The following SCHIP1 variants were observed in gnomAD, a reference collection of about 807,000 sequenced individuals.
SCHIP1 encodes the protein schwannomin-interacting protein 1.
In SCHIP1, 8 loss-of-function variants were observed where a neutral mutation model predicts 29.7. The observed-to-expected ratio is 0.27, with a 90% CI of 0.16 to 0.49. The LOEUF is 0.49. Ranked by LOEUF, SCHIP1 falls within the 20% of genes least tolerant of loss-of-function variation. The pLI, the probability that SCHIP1 is intolerant of heterozygous loss-of-function variation, is 0.99. For missense variants in SCHIP1, 193 were observed against 294.6 expected (o/e 0.66, Z 2.52); for synonymous variants, 76 against 94.9 (o/e 0.80, Z 1.16).
At chr3:159,643,238 C>G in the SCHIP1 span, among the ~76,000 whole-genome samples, 1 of 152,054 alleles carries the variant, frequency 6.6e-6, no homozygotes, top group Non-Finnish European at 1.5e-5. Context: ...TGTCCAAGTA[C>G]AATGCTGGCT....
chr3:159,772,789 G>A, the SCHIP1 span, among the ~76,000 whole-genome samples: 13 of 152,158 alleles, frequency 8.5e-5, no homozygotes. Flanking sequence ...CGCCTAGGCT[G>A]GAGTACAGTG....
chr3:159,755,530 G>A, the SCHIP1 span, among the ~76,000 whole-genome samples: 11 of 152,194 alleles, frequency 7.2e-5, no homozygotes, highest in Non-Finnish European at 1.2e-4. Flanking sequence ...TGAGACTTGG[G>A]TGGGGACACA....
chr3:159,450,687 C>G, the SCHIP1 span, among the ~76,000 whole-genome samples: 30 of 152,238 alleles, frequency 2.0e-4, no homozygotes, highest in African/African-American at 6.3e-4. Flanking sequence ...GTGCCTTTCT[C>G]CTCTTCAATT....
intron 1 of SCHIP1, among the ~76,000 whole-genome samples, chr3:159,842,165 T>C (rs945259017): frequency 4.6e-5 from 7 of 152,228 alleles, no homozygotes; most frequent in African/African-American, 1.7e-4. Context: ...TTTTTAAGGA[T>C]GATATTGCAG....
chr3:159,556,464 C>T, the SCHIP1 span, among the ~76,000 whole-genome samples: 1 of 152,058 alleles, frequency 6.6e-6, no homozygotes, highest in Non-Finnish European at 1.5e-5. Flanking sequence ...AAGACACATG[C>T]ACACATATGT....
the SCHIP1 span, among the ~76,000 whole-genome samples, chr3:159,450,038 C>G: frequency 0.061 from 9,225 of 152,186 alleles, 412 homozygotes; most frequent in South Asian, 0.088. Flanking sequence ...GAATCAGTTT[C>G]TCAATAGTAA....
At chr3:159,750,379 T>C in the SCHIP1 span, among the ~76,000 whole-genome samples, 1 of 151,570 alleles carries the variant, frequency 6.6e-6, no homozygotes, top group Admixed American at 6.6e-5. Flanking sequence ...TTAATTTTTG[T>C]GGGTACATAG....
the SCHIP1 span, among the ~76,000 whole-genome samples, chr3:159,531,815 T>C: frequency 6.6e-6 from 1 of 152,150 alleles, no homozygotes; most frequent in Non-Finnish European, 1.5e-5. Context: ...GTTTGCCCCA[T>C]TTTTTAAGCA....
the SCHIP1 span, among the ~76,000 whole-genome samples, chr3:159,681,590 T>C: frequency 1.3e-5 from 2 of 152,250 alleles, no homozygotes; most frequent in East Asian, 1.9e-4. Flanking sequence ...CATATTACCT[T>C]AGCATTTTCA....
chr3:159,471,014 C>T, the SCHIP1 span, among the ~76,000 whole-genome samples: 1 of 151,922 alleles, frequency 6.6e-6, no homozygotes, highest in Non-Finnish European at 1.5e-5. Flanking sequence ...TACAAAAGAG[C>T]ATAAGAGAAT....
the SCHIP1 span, among the ~76,000 whole-genome samples, chr3:159,588,109 T>G: frequency 2.0e-5 from 3 of 152,196 alleles, no homozygotes; most frequent in African/African-American, 7.2e-5. Context: ...TTCCTATTTC[T>G]CCACATCCTC....
chr3:159,363,607 T>G, the SCHIP1 span, among the ~76,000 whole-genome samples: 1 of 152,188 alleles, frequency 6.6e-6, no homozygotes, highest in Non-Finnish European at 1.5e-5. Context: ...CTATCTTGGA[T>G]TTGGTGAGAT....
the SCHIP1 span, among the ~76,000 whole-genome samples, chr3:159,298,681 C>G: frequency 1.1e-4 from 16 of 152,156 alleles, no homozygotes; most frequent in African/African-American, 3.6e-4. Flanking sequence ...ACACTTCACA[C>G]CCAAAGCCAA....
the SCHIP1 span, among the ~76,000 whole-genome samples, chr3:159,752,716 A>G: frequency 6.6e-6 from 1 of 152,108 alleles, no homozygotes; most frequent in East Asian, 1.9e-4. Context: ...GATGGTGCTA[A>G]TCCATTCCTG....
At chr3:159,755,621 C>G in the SCHIP1 span, among the ~76,000 whole-genome samples, 1 of 152,208 alleles carries the variant, frequency 6.6e-6, no homozygotes, top group Admixed American at 6.5e-5. Flanking sequence ...GCCTTCCCAA[C>G]AGTCCCCCAA....
chr3:159,430,930 G>A, the SCHIP1 span, among the ~76,000 whole-genome samples: 1 of 152,040 alleles, frequency 6.6e-6, no homozygotes, highest in Non-Finnish European at 1.5e-5. Flanking sequence ...GATATCTTGA[G>A]ATCCTAGAAA....
chr3:159,725,661 A>G, the SCHIP1 span, among the ~76,000 whole-genome samples: 1 of 152,210 alleles, frequency 6.6e-6, no homozygotes, highest in African/African-American at 2.4e-5. Context: ...CTGGACTTTC[A>G]AGAAGAAAAA....
the SCHIP1 span, among the ~76,000 whole-genome samples, chr3:159,489,653 G>A: frequency 6.6e-6 from 1 of 152,112 alleles, no homozygotes; most frequent in Admixed American, 6.5e-5. Context: ...GATTGAAACA[G>A]CCAAAAATTG....
the SCHIP1 span, among the ~76,000 whole-genome samples, chr3:159,668,051 C>T: frequency 8.5e-5 from 13 of 152,186 alleles, no homozygotes; most frequent in African/African-American, 1.4e-4. Context: ...AGGGCCTCAC[C>T]CTGTGTGACT....
Sources: gnomAD v4.1 joint callset for allele counts (sites outside exome capture counted in the v4.1 genomes callset) on GRCh38, gnomAD v4.1.1 for gene constraint, MANE v1.5 for transcripts, NCBI Gene and HGNC (gene_info 2026-07-23, HGNC 2026-07-21) for gene names.